The following GAS2 variants were observed in gnomAD, a reference collection of about 807,000 sequenced individuals.
GAS2 encodes growth arrest specific 2.
A neutral mutation model predicts 37.5 loss-of-function variants in GAS2; 20 were observed. The observed-to-expected ratio is 0.53, with a 90% CI of 0.37 to 0.77. The LOEUF is 0.77. Ranked by LOEUF, GAS2 falls within the 30% of genes least tolerant of loss-of-function variation. GAS2 has a pLI of 0.00. For synonymous variants in GAS2, 144 were observed against 132.2 expected, an observed-to-expected ratio of 1.09 and a Z score of -0.61; for missense variants, 336 against 373.4, an observed-to-expected ratio of 0.90 and a Z score of 0.82.
chr11:22,811,878 C>T lies in GAS2; in HGVS notation c.804C>T (p.Pro268=), dbSNP rs546273638. The change falls in exon 8 of 8, where the codon CCC becomes CCT. Residue 268 remains proline (P), a synonymous_variant. Coordinates refer to ENST00000454584, the MANE Select transcript of GAS2 (RefSeq NM_001143830.3). ...CAGGGTATTTGTTGAAACACGACCC[C>T]TGCCGAATGCTGCAGATCTCCCGTG... ...TFAGYLLKHD[P]CRMLQISRVD... The T allele has an allele frequency of 6.7e-5, 108 of 1,614,136 alleles. 1 individual carries two copies. The South Asian group carries it at 1.1e-3, about 17-fold the overall frequency.
intron 7 of GAS2, among the ~76,000 whole-genome samples, chr11:22,767,885 G>C (rs1318609659): frequency 2.6e-5 from 4 of 152,026 alleles, no homozygotes; most frequent in African/African-American, 9.7e-5. Flanking sequence ...GTTTCTACAT[G>C]ACTGGTCATT....
rs1008219016 is a variant in GAS2, at chr11:22,718,560, A to G, written c.268-7732A>G. ...GGATAAAAGACAGCACAATGGGTACATTGTACACTGCTCAAGTGATGGGTG... is the reference window on the plus strand; with the variant it reads ...GGATAAAAGACAGCACAATGGGTACGTTGTACACTGCTCAAGTGATGGGTG... On this transcript the variant is annotated intron_variant, in intron 3 of 7. Coordinates refer to ENST00000454584, the MANE Select transcript of GAS2 (RefSeq NM_001143830.3). 2.9e-4 allele frequency among the ~76,000 whole-genome samples: 44 copies of G among 152,134 alleles called. 1 individual carries two copies. Among genetic ancestry groups the G allele is most frequent in the African/African-American group, 9.9e-4 (41 of 41,532 alleles).
At chr11:22,645,344 C>T (rs1848676410) in intron 1 of GAS2, among the ~76,000 whole-genome samples, 1 of 152,020 alleles carries the variant, frequency 6.6e-6, no homozygotes, top group Non-Finnish European at 1.5e-5. Context: ...CCTGTCTCTA[C>T]TAAAAATACA....
intron 3 of GAS2, 99 bp from the exon 4 acceptor site, chr11:22,726,193 T>G: frequency 5.0e-6 from 6 of 1,188,438 alleles, no homozygotes; most frequent in Non-Finnish European, 5.9e-6. Context: ...CTTATTGGCA[T>G]GAGGTAATTC....
At chr11:22,663,404 T>C (rs1016654304), upstream of GAS2, among the ~76,000 whole-genome samples, 1 of 146,602 alleles carries the variant, frequency 6.8e-6, no homozygotes, top group African/African-American at 2.5e-5. Context: ...ATAGCCCTTC[T>C]CAAAAAAAAA....
At chr11:22,755,671 G>A in intron 6 of GAS2, 175 bp from the exon 7 acceptor site, 1 of 513,882 alleles carries the variant, frequency 1.9e-6, no homozygotes, top group Non-Finnish European at 3.5e-6. Context: ...TGTCTTTGGG[G>A]CCTGAACTTT....
chr11:22,629,565 G>A (rs1858716613), intron 1 of GAS2, among the ~76,000 whole-genome samples: 1 of 152,154 alleles, frequency 6.6e-6, no homozygotes, highest in African/African-American at 2.4e-5. Flanking sequence ...TAGGGATGTT[G>A]AGTATTTTTT....
intron 1 of GAS2, among the ~76,000 whole-genome samples, chr11:22,634,182 T>C (rs1858787341): frequency 6.6e-6 from 1 of 152,070 alleles, no homozygotes. Context: ...AAAGAGAGAA[T>C]GAGAGCCAAG....
intron 1 of GAS2, among the ~76,000 whole-genome samples, chr11:22,670,718 GA>G (rs2133869768): frequency 6.6e-6 from 1 of 152,170 alleles, no homozygotes; most frequent in South Asian, 2.1e-4. Flanking sequence ...GTATATAGTA[GA>G]AAACACAGGT....
intron 1 of GAS2, among the ~76,000 whole-genome samples, chr11:22,659,067 G>T (rs1451155840): frequency 1.3e-5 from 2 of 152,164 alleles, no homozygotes; most frequent in Non-Finnish European, 2.9e-5. Context: ...AGGAGTAGAT[G>T]TGTGAACTTA....
intron 3 of GAS2, among the ~76,000 whole-genome samples, chr11:22,717,034 G>A (rs960028953): frequency 1.3e-5 from 2 of 152,148 alleles, no homozygotes; most frequent in Non-Finnish European, 2.9e-5. Flanking sequence ...CATGCTCATG[G>A]ATGGGTAGAA....
intron 3 of GAS2, among the ~76,000 whole-genome samples, chr11:22,689,576 G>A (rs772564112): frequency 1.3e-5 from 2 of 152,122 alleles, no homozygotes; most frequent in African/African-American, 2.4e-5. Flanking sequence ...GGCTACTATT[G>A]TTCATAAATA....
At chr11:22,789,967 G>A (rs940319925) in intron 7 of GAS2, among the ~76,000 whole-genome samples, 1 of 151,938 alleles carries the variant, frequency 6.6e-6, no homozygotes, top group Non-Finnish European at 1.5e-5. Flanking sequence ...ATGGCTCTCC[G>A]GGTCTGTTCT....
At chr11:22,799,487 TTTC>T (rs529970285) in intron 7 of GAS2, among the ~76,000 whole-genome samples, 526 of 152,156 alleles carry the variant, frequency 3.5e-3, no homozygotes, top group African/African-American at 0.012. Flanking sequence ...CTTTTCCCCA[TTTC>T]TTCTTCTTCT....
At chr11:22,643,199 C>T (rs1321725778) in intron 1 of GAS2, among the ~76,000 whole-genome samples, 1 of 151,798 alleles carries the variant, frequency 6.6e-6, no homozygotes, top group East Asian at 1.9e-4. Flanking sequence ...CAAAGTCTAC[C>T]AGACAACATC....
intron 3 of GAS2, among the ~76,000 whole-genome samples, chr11:22,695,338 C>T (rs1590652423): frequency 6.6e-6 from 1 of 151,638 alleles, no homozygotes; most frequent in East Asian, 1.9e-4. Flanking sequence ...AAAAAAAAGA[C>T]TCTTTATTCT....
At chr11:22,637,451 A>G (rs1858847668) in intron 1 of GAS2, among the ~76,000 whole-genome samples, 1 of 18,802 alleles carries the variant, frequency 5.3e-5, no homozygotes, top group African/African-American at 2.7e-4. Context: ...TTAATATAAT[A>G]TTAATTATAT....
intron 1 of GAS2, among the ~76,000 whole-genome samples, chr11:22,641,288 CTT>C (rs1848625551): frequency 8.5e-6 from 1 of 117,772 alleles, no homozygotes; most frequent in African/African-American, 3.2e-5. Flanking sequence ...ATATCTATAT[CTT>C]TATATATATA....
intron 1 of GAS2, among the ~76,000 whole-genome samples, chr11:22,639,017 T>C (rs904480751): frequency 6.6e-6 from 1 of 152,122 alleles, no homozygotes; most frequent in Non-Finnish European, 1.5e-5. Context: ...TTATATACTT[T>C]AGTGGCAACT....
Sources: allele counts gnomAD v4.1 joint callset (sites outside exome capture counted in the v4.1 genomes callset), GRCh38; gene constraint gnomAD v4.1.1; transcripts MANE v1.5; gene names NCBI Gene and HGNC (gene_info 2026-07-23, HGNC 2026-07-21).